The following PHYHD1 variants were observed in gnomAD, a reference collection of about 807,000 sequenced individuals.
The protein encoded by PHYHD1 is phytanoyl-CoA dioxygenase domain-containing protein 1.
PHYHD1 carries 42 observed loss-of-function variants against 43.6 expected under a neutral mutation model. That is an observed-to-expected ratio of 0.96 (90% CI 0.75 to 1.25). The LOEUF (loss-of-function observed/expected upper bound fraction) is 1.25. Among genes scored for constraint, PHYHD1 ranks in the 50% most tolerant of loss-of-function variants. The pLI, the probability that PHYHD1 is intolerant of heterozygous loss-of-function variation, is 0.00. For synonymous variants in PHYHD1, 139 were observed against 143.6 expected (o/e 0.97, Z 0.23); for missense variants, 342 against 370.8 (o/e 0.92, Z 0.64).
chr9:128,941,394 G>GA (rs752816310), intron 11 of PHYHD1, 51 bp from the exon 12 acceptor site: 1 of 1,602,282 alleles, frequency 6.2e-7, no homozygotes, highest in Non-Finnish European at 8.5e-7. Flanking sequence ...CTGCTCTGGG[G>GA]AGGGGGGATG....
intron 4 of PHYHD1, among the ~76,000 whole-genome samples, chr9:128,931,581 G>A (rs1841277793): frequency 1.3e-5 from 2 of 152,038 alleles, no homozygotes; most frequent in Non-Finnish European, 2.9e-5. Flanking sequence ...CTGGAGTGCA[G>A]TGGCGCGATC....
intron 3 of PHYHD1, 91 bp from the exon 4 acceptor site, chr9:128,926,947 G>C (rs1444127125): frequency 1.3e-6 from 2 of 1,567,002 alleles, no homozygotes; most frequent in Non-Finnish European, 1.8e-6. Context: ...AAGATACCTG[G>C]TCCCACCTTC....
intron 6 of PHYHD1, among the ~76,000 whole-genome samples, chr9:128,935,642 G>A (rs535200713): frequency 6.1e-4 from 93 of 151,626 alleles, no homozygotes; most frequent in African/African-American, 2.2e-3. Flanking sequence ...GGTGGTTCAC[G>A]CCTGTAATCC....
chr9:128,939,811 C>T (rs1197218235), intron 9 of PHYHD1, among the ~76,000 whole-genome samples: 1 of 109,778 alleles, frequency 9.1e-6, no homozygotes, highest in African/African-American at 2.7e-5. Flanking sequence ...CCTGCCACCA[C>T]ACATGGCTAA....
Sources: gnomAD v4.1 joint callset for allele counts (sites outside exome capture counted in the v4.1 genomes callset) on GRCh38, gnomAD v4.1.1 for gene constraint, MANE v1.5 for transcripts, NCBI Gene and HGNC (gene_info 2026-07-23, HGNC 2026-07-21) for gene names.